The following PDE6B variants were observed in gnomAD, a reference collection of about 807,000 sequenced individuals.
The protein encoded by PDE6B is phosphodiesterase 6B.
PDE6B carries 106 observed loss-of-function variants against 109.0 expected under a neutral mutation model. The observed-to-expected ratio is 0.97, with a 90% CI of 0.83 to 1.14. PDE6B has a LOEUF of 1.14. PDE6B is among the 50% of genes most tolerant of loss of function. The pLI is 0.00. For synonymous variants in PDE6B, 490 were observed against 471.3 expected, an observed-to-expected ratio of 1.04 and a Z score of -0.51; for missense variants, 1,193 against 1,155.6, an observed-to-expected ratio of 1.03 and a Z score of -0.47.
At chr4:655,680 A>C in intron 6 of PDE6B, 1 of 583,950 alleles carries the variant, frequency 1.7e-6, no homozygotes, top group South Asian at 1.9e-5. Flanking sequence ...TGAGGATGGC[A>C]CATGAGCCAG....
chr4:638,144 A>G (rs1384111994), intron 3 of PDE6B, among the ~76,000 whole-genome samples: 1 of 152,108 alleles, frequency 6.6e-6, no homozygotes, highest in Admixed American at 6.5e-5. Context: ...TGATGGGTGT[A>G]TGGTAGCATC....
intron 3 of PDE6B, chr4:651,979 A>ACGACGG (rs1735600757): frequency 1.1e-5 from 2 of 178,130 alleles, no homozygotes; most frequent in East Asian, 1.7e-4. Context: ...CAGCAGCTCC[A>ACGACGG]TGACTGTGAC....
At position 633,281 on chromosome 4, in the gene PDE6B, T is replaced by G. The variant is rs1014619390; in HGVS notation, c.469-1396T>G. Among the ~76,000 whole-genome samples, 8 of 152,276 alleles carry G rather than the reference T, an allele frequency of 5.3e-5. No individual in the cohort carries two copies. Among genetic ancestry groups the G allele is most frequent in the Admixed American group, 2.6e-4 (4 of 15,298 alleles). ...GGGATGCTGGCTCCACTGCCCACGC[T>G]GCCACCCCTGCCAGGGCTCACTCAC... On this transcript the variant is annotated intron_variant, in intron 1 of 21. Transcript: ENST00000496514. The surrounding 1 kb of genome is among the most constrained non-coding windows in gnomAD (Gnocchi z 4.5).
chr4:646,478 G>A (rs1221253966), intron 3 of PDE6B, among the ~76,000 whole-genome samples: 1 of 151,926 alleles, frequency 6.6e-6, no homozygotes, highest in Non-Finnish European at 1.5e-5. Context: ...CAGTCACTGA[G>A]CATCCTAGAC....
chr4:667,462 G>T (rs184407586), intron 20 of PDE6B, among the ~76,000 whole-genome samples: 3 of 152,200 alleles, frequency 2.0e-5, no homozygotes, highest in African/African-American at 7.2e-5. Context: ...GAGTGCACGC[G>T]TGTGCTGTGC....
chr4:635,178 C>T (rs1477914434), intron 2 of PDE6B, among the ~76,000 whole-genome samples: 4 of 98,372 alleles, frequency 4.1e-5, no homozygotes, highest in East Asian at 4.1e-4. Flanking sequence ...GCTGCGCGTC[C>T]ACCTCCTTAC....
At position 663,841 on chromosome 4, in the gene PDE6B, C is replaced by T. The variant is rs1194769039; in HGVS notation, c.1992C>T (p.Ile664=). The part of the protein sequence containing the change: ...EHVIHLMDIA[I]IATDLALYFK... ...TGATCCACCTGATGGACATCGCCAT[C>T]ATCGCCACGGACCTGGCCCTGTACT... is the stretch of plus-strand genomic sequence containing the variant. The change falls in exon 16 of 22, where the codon ATC becomes ATT. Residue 664 remains isoleucine (I), a synonymous_variant. Coordinates refer to ENST00000496514, the MANE Select transcript of PDE6B (RefSeq NM_000283.4). This position sits in a 1 kb window ranked among gnomAD's most constrained non-coding sequence, Gnocchi z 4.0. The T allele has an allele frequency of 6.2e-7, 1 of 1,612,100 alleles. No individual in the cohort carries two copies. Among genetic ancestry groups the T allele is most frequent in the African/African-American group, 1.3e-5 (1 of 74,904 alleles).
Position 666,554 on chromosome 4 carries a change from G to A in PDE6B, c.2292G>A (p.Ala764=), listed in dbSNP as rs758923888. 39 of 1,612,784 alleles carry A rather than the reference G, an allele frequency of 2.4e-5. No individual in the cohort carries two copies. Among genetic ancestry groups the A allele is most frequent in the African/African-American group, 1.6e-4 (12 of 74,908 alleles). ...AGCCTATGATGGACCGGAACAAGGCGGCCGAGCTCCCCAAGCTGCAAGTGG... is the reference window on the plus strand; with the variant it reads ...AGCCTATGATGGACCGGAACAAGGCAGCCGAGCTCCCCAAGCTGCAAGTGG... ...QPIPMMDRNK[A]AELPKLQVGF... The change falls in exon 20 of 22, where the codon GCG becomes GCA. Residue 764 remains alanine (A), a synonymous_variant. Transcript: ENST00000496514. The surrounding 1 kb of genome is among the most constrained non-coding windows in gnomAD (Gnocchi z 5.6).
chr4:649,982 C>T (rs192947903), intron 3 of PDE6B, among the ~76,000 whole-genome samples: 108 of 152,334 alleles, frequency 7.1e-4, no homozygotes, highest in Non-Finnish European at 1.3e-3. Flanking sequence ...CTGGTTTCAC[C>T]CTGGAGCATT....
At chr4:634,094 G>C (rs943338699) in intron 1 of PDE6B, among the ~76,000 whole-genome samples, 1 of 152,000 alleles carries the variant, frequency 6.6e-6, no homozygotes, top group African/African-American at 2.4e-5. Context: ...GGGAGTGTGT[G>C]CCTGGGAGGC....
At chr4:635,170 T>C (rs1734596721) in intron 2 of PDE6B, among the ~76,000 whole-genome samples, 2 of 129,666 alleles carry the variant, frequency 1.5e-5, no homozygotes, top group Non-Finnish European at 3.3e-5. Context: ...TGTTCTGTGC[T>C]GCGCGTCCAC....
At chr4:645,966 T>C (rs775304561) in intron 3 of PDE6B, among the ~76,000 whole-genome samples, 12 of 152,108 alleles carry the variant, frequency 7.9e-5, no homozygotes, top group Non-Finnish European at 1.5e-4. Flanking sequence ...CCACGTGCTA[T>C]AATCATGTAA....
chr4:653,806 G>A (rs779303640), intron 3 of PDE6B, 46 bp from the exon 4 acceptor site: 9 of 1,608,898 alleles, frequency 5.6e-6, no homozygotes, highest in Non-Finnish European at 7.7e-6. Flanking sequence ...AGACCGGCGT[G>A]AGGGTGGGAG....
chr4:663,313 G>C lies in PDE6B; in HGVS notation c.1920+126G>C, dbSNP rs879313212. 2.8e-6 allele frequency: 2 copies of C among 706,878 alleles called. No individual in the cohort carries two copies. The highest frequency in any genetic ancestry group is 5.2e-6 in the Non-Finnish European group (2 of 382,974). The allele number at this position is 706,878 out of a possible 1,614,324, so 43.8% of individuals were successfully genotyped here. On this transcript the variant is annotated intron_variant, in intron 15 of 21. Transcript: ENST00000496514. The surrounding 1 kb of genome is among the most constrained non-coding windows in gnomAD (Gnocchi z 4.0). ...GTGAGCACTGGGTGTGTGAGCACTG[G>C]GGGAGGGCGGCAGAGAAGGCGGAGG... is the stretch of plus-strand genomic sequence containing the variant.
intron 10 of PDE6B, among the ~76,000 whole-genome samples, chr4:658,093 G>A (rs1388346117): frequency 7.1e-6 from 1 of 141,010 alleles, no homozygotes; most frequent in Non-Finnish European, 1.5e-5. Context: ...GTCACCCAGA[G>A]GTCATGGCTC....
At chr4:658,578 G>C (rs905104167) in intron 10 of PDE6B, among the ~76,000 whole-genome samples, 1 of 152,052 alleles carries the variant, frequency 6.6e-6, no homozygotes, top group Non-Finnish European at 1.5e-5. Flanking sequence ...CACGGCCCTG[G>C]GGCCAGAGCT....
At position 663,599 on chromosome 4, in the gene PDE6B, G is replaced by C; in HGVS notation, c.1921-171G>C. On this transcript the variant is annotated intron_variant, in intron 15 of 21. Coordinates refer to ENST00000496514, the MANE Select transcript of PDE6B (RefSeq NM_000283.4). This position sits in a 1 kb window ranked among gnomAD's most constrained non-coding sequence, Gnocchi z 4.0. ...ACGATGGAGCCGCTGGTGGAGAGCTGGGCACCCTGAGGAGGGCCCTGAGCA... is the reference window on the plus strand; with the variant it reads ...ACGATGGAGCCGCTGGTGGAGAGCTCGGCACCCTGAGGAGGGCCCTGAGCA... 1 of 655,152 alleles carries C rather than the reference G, an allele frequency of 1.5e-6. No homozygotes were observed. Among genetic ancestry groups the C allele is most frequent in the Non-Finnish European group, 2.8e-6 (1 of 361,550 alleles). The allele number at this position is 655,152 out of a possible 1,614,324, so 40.6% of individuals were successfully genotyped here.
intron 21 of PDE6B, 25 bp downstream of exon 21, chr4:668,031 G>A (rs928964123): frequency 6.2e-7 from 1 of 1,604,406 alleles, no homozygotes. Flanking sequence ...GGCCTGTGGG[G>A]CAGGGACTCG....
At chr4:637,426 G>A (rs1734743985) in intron 3 of PDE6B, among the ~76,000 whole-genome samples, 1 of 152,038 alleles carries the variant, frequency 6.6e-6, no homozygotes, top group South Asian at 2.1e-4. Flanking sequence ...TCACCATGTT[G>A]GCCAGGCTGG....
Sources: allele counts gnomAD v4.1 joint callset (sites outside exome capture counted in the v4.1 genomes callset), GRCh38; gene constraint gnomAD v4.1.1; non-coding constraint Gnocchi (gnomAD v3.1); transcripts MANE v1.5; gene names NCBI Gene and HGNC (gene_info 2026-07-23, HGNC 2026-07-21).